The following EEF2K variants were observed in gnomAD, a reference collection of about 807,000 sequenced individuals.
EEF2K encodes alternative protein EEF2K.
A neutral mutation model predicts 93.8 loss-of-function variants in EEF2K; 70 were observed. That is an observed-to-expected ratio of 0.75 (90% CI 0.62 to 0.91). EEF2K has a LOEUF of 0.91. EEF2K is among the 40% of genes least tolerant of loss of function. The pLI, the probability that EEF2K is intolerant of heterozygous loss-of-function variation, is 0.00. For missense variants in EEF2K, 935 were observed against 972.9 expected (o/e 0.96, Z 0.52); for synonymous variants, 376 against 380.8 (o/e 0.99, Z 0.15).
intron 6 of EEF2K, among the ~76,000 whole-genome samples, chr16:22,251,574 G>C (rs2047352854): frequency 1.3e-5 from 2 of 151,930 alleles, no homozygotes; most frequent in African/African-American, 4.8e-5. Context: ...ACAGGTGCCT[G>C]CCACCACATC....
intron 2 of EEF2K, among the ~76,000 whole-genome samples, chr16:22,242,721 T>G (rs1197271051): frequency 2.0e-5 from 3 of 152,116 alleles, no homozygotes; most frequent in Non-Finnish European, 2.9e-5. Flanking sequence ...CCAGCAACCC[T>G]GAAACAGGGC....
chr16:22,268,263 C>A (rs1598202002), intron 15 of EEF2K, among the ~76,000 whole-genome samples: 1 of 152,150 alleles, frequency 6.6e-6, no homozygotes, highest in African/African-American at 2.4e-5. Flanking sequence ...AATGCAACCT[C>A]CACTTCCCAG....
intron 17 of EEF2K, among the ~76,000 whole-genome samples, chr16:22,281,529 C>A (rs1228739073): frequency 6.6e-6 from 1 of 152,222 alleles, no homozygotes; most frequent in Admixed American, 6.5e-5. Context: ...ATGTGAGCCA[C>A]TGCACCTGGT....
At chr16:22,250,270 T>C (rs1036289866) in intron 4 of EEF2K, among the ~76,000 whole-genome samples, 9 of 152,194 alleles carry the variant, frequency 5.9e-5, no homozygotes, top group Non-Finnish European at 1.0e-4. Flanking sequence ...TGGTATTTCA[T>C]TGAAGGAATA....
intron 15 of EEF2K, among the ~76,000 whole-genome samples, chr16:22,267,168 A>T (rs553778627): frequency 6.6e-6 from 1 of 152,188 alleles, no homozygotes; most frequent in African/African-American, 2.4e-5. Flanking sequence ...ACATGTGAGG[A>T]AGGGCTGTAA....
chr16:22,286,629 A>T lies in EEF2K; in HGVS notation c.*2633A>T, dbSNP rs965163661. 6.6e-6 allele frequency: 1 copy of T among 152,264 alleles called. No homozygotes were observed. Among genetic ancestry groups the T allele is most frequent in the Admixed American group, 6.5e-5 (1 of 15,286 alleles). The allele number at this position is 152,264 out of a possible 1,614,324, so 9.4% of individuals were successfully genotyped here. On this transcript the variant is annotated 3_prime_UTR_variant, in exon 18 of 18. Coordinates refer to ENST00000263026, the MANE Select transcript of EEF2K (RefSeq NM_013302.5). ...GGTGTTCCAATAAAACTTTATTTAC[A>T]CAAACGGGTGGCCCTTTTGGGCTGT...
chr16:22,214,394 A>T (rs1049507658), intron 1 of EEF2K, among the ~76,000 whole-genome samples: 12 of 151,900 alleles, frequency 7.9e-5, no homozygotes, highest in African/African-American at 2.7e-4. Context: ...GTGAGCCATG[A>T]TTGCACCATT....
intron 3 of EEF2K, 97 bp downstream of exon 3, chr16:22,244,827 G>T: frequency 7.9e-7 from 1 of 1,271,932 alleles, no homozygotes; most frequent in Non-Finnish European, 1.1e-6. Context: ...GGGGTCAGGG[G>T]AAGGGAGTAA....
rs1402211729 is a variant in EEF2K, at chr16:22,209,957, G to A, written c.-77+3278G>A. On this transcript the variant is annotated intron_variant, in intron 1 of 17. Coordinates refer to ENST00000263026, the MANE Select transcript of EEF2K (RefSeq NM_013302.5). ...ACAGACATGAGCTACCACCATGGCT[G>A]GCTAACTTTTAATTTTAGTGTAGAG... Among the ~76,000 whole-genome samples, 4 of 152,110 alleles carry A rather than the reference G, an allele frequency of 2.6e-5. No individual in the cohort carries two copies. In the East Asian group the frequency reaches 7.7e-4, roughly 29 times the overall value.
In EEF2K at chr16:22,278,303, G is replaced by T. The variant is rs117766851; in HGVS notation, c.1890-1895G>T. On this transcript the variant is annotated intron_variant, in intron 16 of 17. Transcript: ENST00000263026. ...TGGCAGAAATCCATTCATGAGGGCA[G>T]AACCATCAAAGCCCAATCACCTCTC... Among the ~76,000 whole-genome samples, 1,160 of 152,192 alleles carry T rather than the reference G, an allele frequency of 7.6e-3. 5 individuals are homozygous for T. Among genetic ancestry groups the T allele is most frequent in the Non-Finnish European group, 0.013 (883 of 68,034 alleles).
chr16:22,220,957 C>T (rs896727381), intron 1 of EEF2K, among the ~76,000 whole-genome samples: 6 of 152,182 alleles, frequency 3.9e-5, no homozygotes, highest in African/African-American at 1.4e-4. Context: ...CTGGGAGCAG[C>T]TGACAGTGAG....
chr16:22,280,019 A>C (rs1354153474), intron 16 of EEF2K, among the ~76,000 whole-genome samples, 179 bp from the exon 17 acceptor site: 4 of 152,092 alleles, frequency 2.6e-5, no homozygotes, highest in Non-Finnish European at 5.9e-5. Flanking sequence ...TGAATGAGTG[A>C]ATGAATATCA....
At chr16:22,231,107 G>A (rs962429558) in intron 2 of EEF2K, among the ~76,000 whole-genome samples, 11 of 150,368 alleles carry the variant, frequency 7.3e-5, no homozygotes, top group Non-Finnish European at 1.0e-4. Context: ...TTTCTTTTCT[G>A]AGACAGAGTC....
intron 2 of EEF2K, among the ~76,000 whole-genome samples, chr16:22,237,289 C>T (rs1011736447): frequency 1.3e-5 from 2 of 151,806 alleles, no homozygotes; most frequent in Admixed American, 6.6e-5. Context: ...TACTCAACAA[C>T]TGAGTTCCGG....
intron 6 of EEF2K, among the ~76,000 whole-genome samples, chr16:22,253,414 G>A (rs2047370063): frequency 6.6e-6 from 1 of 152,164 alleles, no homozygotes; most frequent in Non-Finnish European, 1.5e-5. Context: ...GGGGGGCTGT[G>A]GCTTCCTCTG....
intron 2 of EEF2K, 25 bp downstream of exon 2, chr16:22,226,000 TC>T: frequency 6.2e-7 from 1 of 1,610,732 alleles, no homozygotes; most frequent in Non-Finnish European, 8.5e-7. Flanking sequence ...TATTCCACCT[TC>T]CCCACCTGGC....
chr16:22,252,297 G>A (rs920771549), intron 6 of EEF2K, among the ~76,000 whole-genome samples: 2 of 152,196 alleles, frequency 1.3e-5, no homozygotes, highest in African/African-American at 4.8e-5. Context: ...TTAAACTGAG[G>A]TTGTCAGAAT....
intron 15 of EEF2K, among the ~76,000 whole-genome samples, chr16:22,270,119 G>C (rs1286348439): frequency 6.6e-6 from 1 of 151,176 alleles, no homozygotes; most frequent in East Asian, 1.9e-4. Flanking sequence ...ACCAAACCCG[G>C]CTACTTTTTT....
chr16:22,224,635 T>C (rs1055913610), intron 1 of EEF2K, among the ~76,000 whole-genome samples: 3 of 124,548 alleles, frequency 2.4e-5, no homozygotes, highest in Non-Finnish European at 4.8e-5. Flanking sequence ...AGATTCTGTC[T>C]CAAAAAAAAA....
Sources: allele counts gnomAD v4.1 joint callset (sites outside exome capture counted in the v4.1 genomes callset), GRCh38; gene constraint gnomAD v4.1.1; transcripts MANE v1.5; gene names NCBI Gene and HGNC (gene_info 2026-07-23, HGNC 2026-07-21).